The following SAMD5 variants were observed in gnomAD, a reference collection of about 807,000 sequenced individuals.
The protein encoded by SAMD5 is sterile alpha motif domain containing 5.
SAMD5 carries 13 observed loss-of-function variants against 11.3 expected under a neutral mutation model. The observed-to-expected ratio is 1.15, with a 90% CI of 0.75 to 1.83. The LOEUF (loss-of-function observed/expected upper bound fraction) is 1.83, where lower values mean the gene tolerates loss of function less well. SAMD5 is among the 40% of genes most tolerant of loss of function. The pLI is 0.00. For synonymous variants in SAMD5, 129 were observed against 111.3 expected (o/e 1.16, Z -1.00); for missense variants, 255 against 239.1 (o/e 1.07, Z -0.44).
At chr6:147,863,312 TAAAG>T in the SAMD5 span, among the ~76,000 whole-genome samples, 19 of 152,128 alleles carry the variant, frequency 1.2e-4, no homozygotes, top group Non-Finnish European at 1.3e-4. Flanking sequence ...GTCACATTGG[TAAAG>T]AAAACTGGCA....
intron 1 of SAMD5, among the ~76,000 whole-genome samples, chr6:147,703,542 A>G (rs1210554016): frequency 6.6e-6 from 1 of 152,236 alleles, no homozygotes; most frequent in Non-Finnish European, 1.5e-5. Flanking sequence ...AAAGAATGGA[A>G]GACCCTGGTT....
intron 1 of SAMD5, among the ~76,000 whole-genome samples, chr6:147,596,845 A>G (rs1789538986): frequency 6.6e-6 from 1 of 152,218 alleles, no homozygotes; most frequent in Non-Finnish European, 1.5e-5. Context: ...CTATTTGGAA[A>G]AATGCCATGT....
At chr6:147,935,860 T>A in the SAMD5 span, among the ~76,000 whole-genome samples, 27 of 152,200 alleles carry the variant, frequency 1.8e-4, no homozygotes, top group African/African-American at 6.5e-4. Context: ...ACCACATTAG[T>A]AATTCTGGGG....
chr6:147,939,676 C>A, the SAMD5 span, among the ~76,000 whole-genome samples: 1 of 152,124 alleles, frequency 6.6e-6, no homozygotes, highest in African/African-American at 2.4e-5. Context: ...CTTCAGGACT[C>A]AACACAGGAA....
chr6:147,717,656 T>TG (rs1791487216), intron 1 of SAMD5, among the ~76,000 whole-genome samples: 1 of 152,204 alleles, frequency 6.6e-6, no homozygotes, highest in Non-Finnish European at 1.5e-5. Context: ...AAGACCAGCT[T>TG]GGCCAACATG....
At chr6:147,682,602 C>A (rs1482004848) in intron 1 of SAMD5, among the ~76,000 whole-genome samples, 5 of 152,158 alleles carry the variant, frequency 3.3e-5, no homozygotes, top group Non-Finnish European at 7.3e-5. Flanking sequence ...CCAAGCCGTG[C>A]AACTTTCTTT....
chr6:147,614,177 TG>T (rs1311457468), intron 1 of SAMD5, among the ~76,000 whole-genome samples: 1 of 151,834 alleles, frequency 6.6e-6, no homozygotes, highest in African/African-American at 2.4e-5. Flanking sequence ...TGTAGAAAGA[TG>T]AGCTGATAGG....
At chr6:147,846,522 G>A in the SAMD5 span, among the ~76,000 whole-genome samples, 2 of 152,188 alleles carry the variant, frequency 1.3e-5, no homozygotes, top group Non-Finnish European at 2.9e-5. Flanking sequence ...CGTGAACCTA[G>A]TATTATTTCA....
chr6:147,824,435 A>G, the SAMD5 span, among the ~76,000 whole-genome samples: 1 of 152,208 alleles, frequency 6.6e-6, no homozygotes, highest in Admixed American at 6.5e-5. Context: ...GGAAAATAAC[A>G]CAAAACAAGT....
chr6:147,642,923 C>T (rs962573415), intron 1 of SAMD5, among the ~76,000 whole-genome samples: 20 of 152,168 alleles, frequency 1.3e-4, no homozygotes, highest in Non-Finnish European at 2.8e-4. Flanking sequence ...ACTGTTGTCA[C>T]CCCAGAATAA....
the SAMD5 span, among the ~76,000 whole-genome samples, chr6:147,828,909 G>A: frequency 2.0e-5 from 3 of 152,160 alleles, no homozygotes; most frequent in South Asian, 2.1e-4. Context: ...GAGACAGAAC[G>A]CTCAAAGGAA....
chr6:147,950,080 A>G, the SAMD5 span, among the ~76,000 whole-genome samples: 1 of 152,214 alleles, frequency 6.6e-6, no homozygotes, highest in South Asian at 2.1e-4. Context: ...ACGGAATATG[A>G]AGCCTGGAAT....
chr6:147,814,336 A>G, the SAMD5 span, among the ~76,000 whole-genome samples: 1 of 152,206 alleles, frequency 6.6e-6, no homozygotes, highest in East Asian at 1.9e-4. Flanking sequence ...AATGCAATCG[A>G]TGTTTCCCTT....
At chr6:147,534,443 G>A (rs139801317) in intron 1 of SAMD5, among the ~76,000 whole-genome samples, 2,358 of 152,224 alleles carry the variant, frequency 0.015, 65 homozygotes, top group African/African-American at 0.054. Flanking sequence ...AGACAGAGCC[G>A]ATTCATCAAG....
intron 1 of SAMD5, among the ~76,000 whole-genome samples, chr6:147,683,229 C>T (rs1790964438): frequency 1.3e-5 from 2 of 152,152 alleles, no homozygotes; most frequent in South Asian, 4.1e-4. Flanking sequence ...GTTTTAACTA[C>T]TTCAGAAGTT....
intron 1 of SAMD5, among the ~76,000 whole-genome samples, chr6:147,614,184 A>G (rs977429279): frequency 1.6e-4 from 25 of 151,900 alleles, no homozygotes; most frequent in African/African-American, 6.1e-4. Flanking sequence ...AGATGAGCTG[A>G]TAGGCCGGGC....
intron 1 of SAMD5, among the ~76,000 whole-genome samples, chr6:147,525,099 G>C (rs2128440509): frequency 6.6e-6 from 1 of 151,588 alleles, no homozygotes; most frequent in South Asian, 2.1e-4. Context: ...TTTCTCTGTT[G>C]GTGAAAAATA....
chr6:147,720,297 TGA>T (rs1491327165), intron 1 of SAMD5, among the ~76,000 whole-genome samples: 2 of 151,924 alleles, frequency 1.3e-5, no homozygotes, highest in South Asian at 2.1e-4. Context: ...CCGTCTCTAC[TGA>T]AAAAATACAA....
intron 1 of SAMD5, among the ~76,000 whole-genome samples, chr6:147,617,301 GA>G (rs1789887385): frequency 1.3e-5 from 2 of 152,168 alleles, no homozygotes; most frequent in Admixed American, 6.5e-5. Context: ...GGAACTTCAA[GA>G]AAATAAGGAC....
Sources: gnomAD v4.1 joint callset for allele counts (sites outside exome capture counted in the v4.1 genomes callset) on GRCh38, gnomAD v4.1.1 for gene constraint, MANE v1.5 for transcripts, NCBI Gene and HGNC (gene_info 2026-07-23, HGNC 2026-07-21) for gene names.